The following LBX1 variants were observed in gnomAD, a reference collection of about 807,000 sequenced individuals.
LBX1 encodes the protein ladybird homeobox 1.
LBX1 carries 6 observed loss-of-function variants against 19.9 expected under a neutral mutation model. That is an observed-to-expected ratio of 0.30 (90% CI 0.17 to 0.60). The LOEUF (loss-of-function observed/expected upper bound fraction) is 0.60. Ranked by LOEUF, LBX1 falls within the 20% of genes least tolerant of loss-of-function variation. The pLI, the probability that LBX1 is intolerant of heterozygous loss-of-function variation, is 0.87. For synonymous variants in LBX1, 190 were observed against 189.3 expected (o/e 1.00, Z -0.03); for missense variants, 344 against 393.7 (o/e 0.87, Z 1.07).
rs769560237 is a variant in LBX1 at position 101,227,307 on chromosome 10, T to A, written c.809A>T (p.Glu270Val). ...GTCGATCTCTTCGTCTTCCTCGTCC[T>A]CCGAGCAGTCCTGGCTGCTGGCCGG... ...DQPASSQDCS[E>V]DEEDEEIDVD... Residue 270 changes from glutamate (E) to valine (V), a missense_variant, in exon 2 of 2, where the codon GAG (glutamate) becomes GTG (valine). Around this residue, in one of 3 missense-constraint regions of LBX1, gnomAD observed 146 missense variants for 124.2 expected, o/e 1.18. Transcript: ENST00000370193. 8 of 1,607,918 alleles carry A rather than the reference T, an allele frequency of 5.0e-6. No homozygotes were observed. Among genetic ancestry groups the A allele is most frequent in the Non-Finnish European group, 6.8e-6 (8 of 1,178,406 alleles).
In LBX1 at chr10:101,227,640, G is replaced by A. The variant is rs200544289; in HGVS notation, c.476C>T (p.Ala159Val). Reference protein sequence around the residue: ...YLSPADRDQIAQQLGLTNAQV... With the variant: ...YLSPADRDQIVQQLGLTNAQV... ...CGCGTTGGTGAGGCCCAGCTGCTGC[G>A]CGATTTGGTCGCGATCGGCGGGGGA... is the stretch of plus-strand genomic sequence containing the variant. Residue 159 changes from alanine (A) to valine (V), a missense_variant, in exon 2 of 2, where the codon GCG (alanine) becomes GTG (valine). Physicochemically the swap from Ala to Val is moderately conservative, Grantham distance 64. Coordinates refer to ENST00000370193, the MANE Select transcript of LBX1 (RefSeq NM_006562.5). The A allele has an allele frequency of 6.2e-7, 1 of 1,614,228 alleles. No individual in the cohort carries two copies. The highest frequency in any genetic ancestry group is 8.5e-7 in the Non-Finnish European group (1 of 1,180,036).
At position 101,227,376 on chromosome 10, in the gene LBX1, G is replaced by T. The variant is rs1941056193; in HGVS notation, c.740C>A (p.Ala247Asp). The change falls in exon 2 of 2, where the codon GCT (alanine) becomes GAT (aspartate). Residue 247 changes from alanine to aspartate, a missense_variant. By Grantham distance (126) the Ala-to-Asp change is moderately radical. This residue lies in a region of LBX1 where 146 missense variants were observed against 124.2 expected (regional missense o/e 1.18). Transcript: ENST00000370193. ...LPPGAPKAPG[A>D]GALQLSPASP... ...GGCAGGCGAGAGCTGCAGGGCGCCA[G>T]CGCCCGGGGCCTTCGGGGCGCCTGG... 3 of 1,606,156 alleles carry T rather than the reference G, an allele frequency of 1.9e-6. No individual in the cohort carries two copies. The Admixed American group carries it at 5.0e-5, about 27-fold the overall frequency.
At position 101,227,567 on chromosome 10, in the gene LBX1, G is replaced by T; in HGVS notation, c.549C>A (p.Asp183Glu). The change falls in exon 2 of 2, where the codon GAC becomes GAA. Residue 183 changes from aspartate (D) to glutamate (E), a missense_variant. Transcript: ENST00000370193. The part of the protein sequence containing the change: ...FQNRRAKLKR[D>E]LEEMKADVES... ...CTACGTCGGCCTTCATCTCCTCCAG[G>T]TCCCGCTTGAGCTTAGCGCGCCGAT... 6.2e-7 allele frequency: 1 copy of T among 1,614,174 alleles called. No homozygotes were observed. The highest frequency in any genetic ancestry group is 1.3e-5 in the African/African-American group (1 of 75,056).
rs1941051466 is a variant in LBX1, at chr10:101,227,078, C to G, written c.*192G>C. On this transcript the variant is annotated 3_prime_UTR_variant, in exon 2 of 2. Coordinates refer to ENST00000370193, the MANE Select transcript of LBX1 (RefSeq NM_006562.5). ...GCGGAGGCCGCTGGTGGCGGCCGGC[C>G]CGGCCGGCCAGCCTGGGTTTATTGC... 1 of 521,912 alleles carries G rather than the reference C, an allele frequency of 1.9e-6. No individual in the cohort carries two copies. Among genetic ancestry groups the G allele is most frequent in the Non-Finnish European group, 3.2e-6 (1 of 308,058 alleles). 32.3% of individuals were successfully genotyped at this position (521,912 alleles called of 1,614,324 possible).
intron 1 of LBX1, 25 bp from the exon 2 acceptor site, chr10:101,227,815 TC>T (rs1384744279): frequency 6.5e-7 from 1 of 1,540,832 alleles, no homozygotes; most frequent in South Asian, 1.2e-5. Context: ...CAGTGTAGGC[TC>T]GCGTTGGGAG....
chr10:101,226,997 G>T lies in LBX1; in HGVS notation c.*273C>A, dbSNP rs1198703031. On this transcript the variant is annotated 3_prime_UTR_variant, in exon 2 of 2. Transcript: ENST00000370193. The surrounding 1 kb of genome is among the most constrained non-coding windows in gnomAD (Gnocchi z 4.8). Reference sequence around the variant, plus strand: ...GCGGTGGGAAGAACCCGCTATATAGGTTTAAATATTTATATAGAAGCCATA... The same window carrying T: ...GCGGTGGGAAGAACCCGCTATATAGTTTTAAATATTTATATAGAAGCCATA... 1 of 311,238 alleles carries T rather than the reference G, an allele frequency of 3.2e-6. No individual in the cohort carries two copies. The highest frequency in any genetic ancestry group is 5.8e-6 in the Non-Finnish European group (1 of 171,896). 19.3% of individuals were successfully genotyped at this position (311,238 alleles called of 1,614,324 possible). A position where few individuals can be genotyped will look rare whatever the true frequency, so the allele number is the denominator to read the frequency against.
chr10:101,228,392 G>T, intron 1 of LBX1, 99 bp downstream of exon 1: 1 of 889,254 alleles, frequency 1.1e-6, no homozygotes, highest in Non-Finnish European at 1.7e-6. Context: ...GGCCCTGGCG[G>T]CCGGAGAGGG....
chr10:101,228,932 T>A lies in LBX1; in HGVS notation c.-117A>T. 1.9e-6 allele frequency: 1 copy of A among 529,844 alleles called. No homozygotes were observed. The highest frequency in any genetic ancestry group is 2.7e-6 in the Non-Finnish European group (1 of 374,778). The allele number at this position is 529,844 out of a possible 1,614,324, so 32.8% of individuals were successfully genotyped here. On this transcript the variant is annotated 5_prime_UTR_variant, in exon 1 of 2. Transcript: ENST00000370193. ...GCGGCGGGTGGAAAGGAGGCCGCACTGGGCAGGGCGCGGGCCGGGCGCGGG... is the reference window on the plus strand; with the variant it reads ...GCGGCGGGTGGAAAGGAGGCCGCACAGGGCAGGGCGCGGGCCGGGCGCGGG...
chr10:101,228,616 G>T lies in LBX1; in HGVS notation c.200C>A (p.Ala67Glu), dbSNP rs1392744033. Residue 67 changes from alanine to glutamate, a missense_variant, in exon 1 of 2, where the codon GCG (alanine) becomes GAG (glutamate). Around this residue, in one of 3 missense-constraint regions of LBX1, gnomAD observed 153 missense variants for 168.9 expected, o/e 0.91. Coordinates refer to ENST00000370193, the MANE Select transcript of LBX1 (RefSeq NM_006562.5). ...GCCCGCCAGGGGCAAGCCGCCCTGCGCGTGCTTGTCCGCGGCGGCCAGCAG... is the reference window on the plus strand; with the variant it reads ...GCCCGCCAGGGGCAAGCCGCCCTGCTCGTGCTTGTCCGCGGCGGCCAGCAG... ...AHLLAAADKH[A>E]QGGLPLAGRA... 1 of 1,570,676 alleles carries T rather than the reference G, an allele frequency of 6.4e-7. No individual in the cohort carries two copies. Among genetic ancestry groups the T allele is most frequent in the Non-Finnish European group, 8.6e-7 (1 of 1,158,418 alleles).
intron 1 of LBX1, among the ~76,000 whole-genome samples, chr10:101,228,143 C>G (rs1376586013): frequency 6.6e-6 from 1 of 152,116 alleles, no homozygotes; most frequent in Non-Finnish European, 1.5e-5. Context: ...TCAACTCTAC[C>G]CTACCCATAA....
intron 1 of LBX1, among the ~76,000 whole-genome samples, chr10:101,228,208 C>T (rs755792347): frequency 6.6e-6 from 1 of 152,154 alleles, no homozygotes; most frequent in Non-Finnish European, 1.5e-5. Context: ...GCTAAGAGCG[C>T]CCAGGACACT....
Position 101,228,733 on chromosome 10 carries a change from T to C in LBX1, c.83A>G (p.Asn28Ser). The C allele has an allele frequency of 6.2e-7, 1 of 1,605,004 alleles. No homozygotes were observed. The highest frequency in any genetic ancestry group is 8.5e-7 in the Non-Finnish European group (1 of 1,177,278). ...SPLDHLPPPA[N>S]SNKPLTPFSI... is the part of the protein sequence containing the mutation. ...GAACGGCGTCAGTGGCTTGTTGGAG[T>C]TGGCAGGCGGAGGCAGGTGGTCCAG... Residue 28 changes from asparagine (N) to serine (S), a missense_variant, in exon 1 of 2, where the codon AAC becomes AGC. Asn to Ser is a conservative substitution (Grantham distance 46, BLOSUM62 1). Coordinates refer to ENST00000370193, the MANE Select transcript of LBX1 (RefSeq NM_006562.5).
At position 101,227,617 on chromosome 10, in the gene LBX1, C is replaced by A; in HGVS notation, c.499G>T (p.Ala167Ser). The change falls in exon 2 of 2, where the codon GCG becomes TCG. Residue 167 changes from alanine (A) to serine (S), a missense_variant. This residue lies in a region of LBX1 where 45 missense variants were observed against 100.7 expected (regional missense o/e 0.45). Coordinates refer to ENST00000370193, the MANE Select transcript of LBX1 (RefSeq NM_006562.5). Reference sequence around the variant, plus strand: ...TTCTGGAACCAGGTGATGACTTGCGCGTTGGTGAGGCCCAGCTGCTGCGCG... The same window carrying A: ...TTCTGGAACCAGGTGATGACTTGCGAGTTGGTGAGGCCCAGCTGCTGCGCG... ...QIAQQLGLTN[A>S]QVITWFQNRR... 1.9e-6 allele frequency: 3 copies of A among 1,614,222 alleles called. No individual in the cohort carries two copies. The South Asian group carries it at 3.3e-5, about 18-fold the overall frequency.
In LBX1 at chr10:101,227,089, G is replaced by A. The variant is rs994983023; in HGVS notation, c.*181C>T. On this transcript the variant is annotated 3_prime_UTR_variant, in exon 2 of 2. Transcript: ENST00000370193. ...TGGTGGCGGCCGGCCCGGCCGGCCA[G>A]CCTGGGTTTATTGCTTCGAGAGGGA... The A allele has an allele frequency of 8.5e-6, 5 of 585,594 alleles. No individual in the cohort carries two copies. Among genetic ancestry groups the A allele is most frequent in the African/African-American group, 6.0e-5 (3 of 50,402 alleles). The allele number at this position is 585,594 out of a possible 1,614,324, so 36.3% of individuals were successfully genotyped here. A position where few individuals can be genotyped will look rare whatever the true frequency, so the allele number is the denominator to read the frequency against.
Position 101,228,820 on chromosome 10 carries a change from G to A in LBX1, c.-5C>T. ...GCCGTCCTCCTTGGAAGTCATCTCG[G>A]CCTTGTTCGGGGTCCCGGCCGGGGC... On this transcript the variant is annotated 5_prime_UTR_variant, in exon 1 of 2. Coordinates refer to ENST00000370193, the MANE Select transcript of LBX1 (RefSeq NM_006562.5). 6.5e-7 allele frequency: 1 copy of A among 1,538,376 alleles called. No homozygotes were observed.
At chr10:101,227,864 G>T (rs2134367389) in intron 1 of LBX1, 74 bp from the exon 2 acceptor site, 1 of 1,418,352 alleles carries the variant, frequency 7.1e-7, no homozygotes, top group Non-Finnish European at 9.5e-7. Flanking sequence ...CCGTAACTCC[G>T]TAACCCACCC....
rs780133460 is a variant in LBX1, at chr10:101,227,261, G to A, written c.*9C>T. On this transcript the variant is annotated 3_prime_UTR_variant, in exon 2 of 2. Coordinates refer to ENST00000370193, the MANE Select transcript of LBX1 (RefSeq NM_006562.5). ...GGAGCCCAGGGCGGCGGAAGACCCGGGGCGCCGCTCAATCGTCCACGTCGA... is the reference window on the plus strand; with the variant it reads ...GGAGCCCAGGGCGGCGGAAGACCCGAGGCGCCGCTCAATCGTCCACGTCGA... The A allele has an allele frequency of 5.0e-6, 8 of 1,598,856 alleles. No individual in the cohort carries two copies. The highest frequency in any genetic ancestry group is 1.4e-5 in the African/African-American group (1 of 72,916).
At chr10:101,228,313 C>G (rs1346005910) in intron 1 of LBX1, among the ~76,000 whole-genome samples, 178 bp downstream of exon 1, 1 of 152,216 alleles carries the variant, frequency 6.6e-6, no homozygotes, top group Non-Finnish European at 1.5e-5. Context: ...ACCCAGAGGT[C>G]CCTGGGAAAT....
chr10:101,227,098 T>C lies in LBX1; in HGVS notation c.*172A>G, dbSNP rs1941051889. The C allele has an allele frequency of 1.6e-6, 1 of 628,204 alleles. No individual in the cohort carries two copies. The highest frequency in any genetic ancestry group is 3.2e-5 in the Admixed American group (1 of 31,088). The allele number at this position is 628,204 out of a possible 1,614,324, so 38.9% of individuals were successfully genotyped here. On this transcript the variant is annotated 3_prime_UTR_variant, in exon 2 of 2. Transcript: ENST00000370193. ...CCGGCCCGGCCGGCCAGCCTGGGTT[T>C]ATTGCTTCGAGAGGGAAGAGGCGGC...
Sources: allele counts gnomAD v4.1 joint callset (sites outside exome capture counted in the v4.1 genomes callset), GRCh38; gene constraint gnomAD v4.1.1; regional missense constraint gnomAD v4.1.1; non-coding constraint Gnocchi (gnomAD v3.1); transcripts MANE v1.5; gene names NCBI Gene and HGNC (gene_info 2026-07-23, HGNC 2026-07-21).